Variants in RYR2 observed in about 807,000 individuals in gnomAD.
RYR2 encodes the protein ryanodine receptor 2.
In RYR2, 227 loss-of-function variants were observed where a neutral mutation model predicts 601.1. The ratio of observed to expected loss-of-function variants is 0.38; its 90% CI spans 0.34 to 0.42. The LOEUF (loss-of-function observed/expected upper bound fraction) is 0.42. RYR2 is among the 10% of genes least tolerant of loss of function. RYR2 has a pLI of 1.00. For synonymous variants in RYR2, 2,223 were observed against 2,175.1 expected, an observed-to-expected ratio of 1.02 and a Z score of -0.61; for missense variants, 4,646 against 6,156.5, an observed-to-expected ratio of 0.75 and a Z score of 8.21.
At chr1:237,214,063 T>C (rs768657198) in intron 1 of RYR2, among the ~76,000 whole-genome samples, 4 of 151,582 alleles carry the variant, frequency 2.6e-5, no homozygotes, top group Non-Finnish European at 5.9e-5. Flanking sequence ...TGGGACTACA[T>C]GCATGCACCA....
chr1:237,798,350 T>C (rs1392078926), intron 97 of RYR2, among the ~76,000 whole-genome samples, 180 bp downstream of exon 97: 1 of 152,228 alleles, frequency 6.6e-6, no homozygotes, highest in African/African-American at 2.4e-5. Context: ...TCTGGAATTA[T>C]TGGATTTTTT....
At chr1:237,728,792 G>A (rs1690426483) in intron 76 of RYR2, among the ~76,000 whole-genome samples, 2 of 151,806 alleles carry the variant, frequency 1.3e-5, no homozygotes, top group Admixed American at 1.3e-4. Flanking sequence ...CGGGGGGTGG[G>A]GGCAATGGGA....
At chr1:237,539,049 C>T (rs777978916) in intron 25 of RYR2, among the ~76,000 whole-genome samples, 11 of 152,092 alleles carry the variant, frequency 7.2e-5, no homozygotes, top group Non-Finnish European at 1.5e-4. Context: ...GATGCACAGG[C>T]CATATAACCT....
At chr1:237,400,152 C>G (rs1251831426) in intron 10 of RYR2, among the ~76,000 whole-genome samples, 1 of 152,124 alleles carries the variant, frequency 6.6e-6, no homozygotes, top group East Asian at 1.9e-4. Flanking sequence ...AGTTGTCAAA[C>G]TCTTACTATA....
chr1:237,468,217 A>G (rs1485755697), intron 16 of RYR2, among the ~76,000 whole-genome samples: 1 of 152,164 alleles, frequency 6.6e-6, no homozygotes, highest in Non-Finnish European at 1.5e-5. Flanking sequence ...TAAATATCAT[A>G]TTGTCTAAAC....
chr1:237,758,630 C>T (rs1162349547), intron 82 of RYR2, among the ~76,000 whole-genome samples: 2 of 152,130 alleles, frequency 1.3e-5, no homozygotes, highest in Non-Finnish European at 2.9e-5. Flanking sequence ...GTATTGCCTT[C>T]GCTATCTGAA....
intron 3 of RYR2, among the ~76,000 whole-genome samples, chr1:237,346,544 A>G (rs1479670921): frequency 6.6e-6 from 1 of 152,156 alleles, no homozygotes; most frequent in Non-Finnish European, 1.5e-5. Context: ...TAAGAATAAA[A>G]TTTCTAAACC....
chr1:237,693,132 T>A (rs1434383020), intron 63 of RYR2, among the ~76,000 whole-genome samples: 1 of 152,148 alleles, frequency 6.6e-6, no homozygotes, highest in Non-Finnish European at 1.5e-5. Context: ...TGACACAGCT[T>A]TCCTTTGTTT....
At chr1:237,580,155 C>CTTTTTTTTTTTTTT (rs58145628) in intron 29 of RYR2, among the ~76,000 whole-genome samples, 6 of 116,628 alleles carry the variant, frequency 5.1e-5, no homozygotes, top group Non-Finnish European at 6.7e-5. Flanking sequence ...CACAACAATT[C>CTTTTTTTTTTTTTT]TTTTTTTTTT....
intron 36 of RYR2, among the ~76,000 whole-genome samples, chr1:237,611,595 G>T (rs1014978644): frequency 6.6e-6 from 1 of 152,096 alleles, no homozygotes; most frequent in Non-Finnish European, 1.5e-5. Context: ...AAATTGCAGA[G>T]ATTTCATTTA....
At chr1:237,059,059 G>A (rs1662529526) in intron 1 of RYR2, among the ~76,000 whole-genome samples, 1 of 152,028 alleles carries the variant, frequency 6.6e-6, no homozygotes, top group African/African-American at 2.4e-5. Flanking sequence ...CTAAAACAAG[G>A]ACCTGAACGT....
At chr1:237,134,413 C>G (rs2485574) in intron 1 of RYR2, among the ~76,000 whole-genome samples, 1 of 151,946 alleles carries the variant, frequency 6.6e-6, no homozygotes, top group Non-Finnish European at 1.5e-5. Context: ...ACAGTCATGG[C>G]GGAAGAGCAA....
chr1:237,330,747 G>T (rs2149567169), intron 2 of RYR2, 131 bp from the exon 3 acceptor site: 1 of 717,658 alleles, frequency 1.4e-6, no homozygotes, highest in South Asian at 1.5e-5. Flanking sequence ...GTTTCTTGAT[G>T]ACTGGGGAAC....
intron 96 of RYR2, among the ~76,000 whole-genome samples, chr1:237,796,582 G>A (rs1193074213): frequency 2.0e-5 from 3 of 152,040 alleles, no homozygotes; most frequent in African/African-American, 7.2e-5. Flanking sequence ...TTTTATATCT[G>A]TTAATCCCTT....
At position 237,666,552 on chromosome 1, in the gene RYR2, T is replaced by C. The variant is rs767258367; in HGVS notation, c.8477T>C (p.Ile2826Thr). The change falls in exon 57 of 105, where the codon ATT becomes ACT. Residue 2826 changes from isoleucine to threonine, a missense_variant. By Grantham distance (89) the Ile-to-Thr change is moderately conservative. Coordinates refer to ENST00000366574, the MANE Select transcript of RYR2 (RefSeq NM_001035.3). Reference protein sequence around the residue: ...DAAHGYSPRAIDMSNVTLSRD... With the variant: ...DAAHGYSPRATDMSNVTLSRD... ...GCCCATGGTTACAGTCCCCGGGCCATTGACATGAGCAATGTTACACTATCT... is the reference window on the plus strand; with the variant it reads ...GCCCATGGTTACAGTCCCCGGGCCACTGACATGAGCAATGTTACACTATCT... The C allele has an allele frequency of 1.2e-6, 2 of 1,612,922 alleles. No homozygotes were observed. Among genetic ancestry groups the C allele is most frequent in the African/African-American group, 1.3e-5 (1 of 75,022 alleles).
chr1:237,331,700 G>C (rs1283224615), intron 3 of RYR2, among the ~76,000 whole-genome samples: 1 of 149,402 alleles, frequency 6.7e-6, no homozygotes, highest in Non-Finnish European at 1.5e-5. Context: ...ATTTTTAGTA[G>C]AGACGGGGTT....
At position 237,171,261 on chromosome 1, in the gene RYR2, TA is replaced by T. The variant is rs893122388; in HGVS notation, c.49-99227del. 6.5e-4 allele frequency among the ~76,000 whole-genome samples: 98 copies of T among 150,576 alleles called. 1 individual carries two copies. The highest frequency in any genetic ancestry group is 2.0e-3 in the African/African-American group (81 of 41,172). ...AAAAAAAAAAAATAGATTCTCCCAT[TA>T]AAAAAAAATATTTAAAGTACTCTGC... On this transcript the variant is annotated intron_variant, in intron 1 of 104. Transcript: ENST00000366574.
chr1:237,251,028 A>ATGTGTGTGTGTG (rs3056167), intron 1 of RYR2, among the ~76,000 whole-genome samples: 78 of 139,324 alleles, frequency 5.6e-4, no homozygotes, highest in Middle Eastern at 3.7e-3. Context: ...TCCCCAACAG[A>ATGTGTGTGTGTG]TGTGTGTGTG....
chr1:237,053,198 A>G (rs370137981), intron 1 of RYR2, among the ~76,000 whole-genome samples: 1 of 152,110 alleles, frequency 6.6e-6, no homozygotes, highest in Non-Finnish European at 1.5e-5. Flanking sequence ...GGTCTTGGAC[A>G]TGTCTGTCAT....
Sources: gnomAD v4.1 joint callset for allele counts (sites outside exome capture counted in the v4.1 genomes callset) on GRCh38, gnomAD v4.1.1 for gene constraint, MANE v1.5 for transcripts, NCBI Gene and HGNC (gene_info 2026-07-23, HGNC 2026-07-21) for gene names.